The following ADGRG6 variants were observed in gnomAD, a reference collection of about 807,000 sequenced individuals.
ADGRG6 encodes the protein adhesion G protein-coupled receptor G6.
In ADGRG6, 84 loss-of-function variants were observed where a neutral mutation model predicts 142.4. The ratio of observed to expected loss-of-function variants is 0.59; its 90% CI spans 0.49 to 0.71. The LOEUF is 0.71. Among genes scored for constraint, ADGRG6 ranks in the 30% least tolerant of loss-of-function variants. The probability of loss-of-function intolerance (pLI) is 0.00; values close to 1 mark genes in which losing one functional copy is unlikely to be tolerated. For missense variants in ADGRG6, 1,367 were observed against 1,466.6 expected, an observed-to-expected ratio of 0.93 and a Z score of 1.11; for synonymous variants, 521 against 520.5, an observed-to-expected ratio of 1.00 and a Z score of -0.01.
At chr6:142,439,430 G>C (rs976135554) in intron 24 of ADGRG6, among the ~76,000 whole-genome samples, 1 of 152,178 alleles carries the variant, frequency 6.6e-6, no homozygotes, top group Non-Finnish European at 1.5e-5. Flanking sequence ...AGGGAGTAAG[G>C]TGTGTGATGT....
At chr6:142,341,777 TC>T (rs1779671199) in intron 2 of ADGRG6, among the ~76,000 whole-genome samples, 1 of 149,276 alleles carries the variant, frequency 6.7e-6, no homozygotes, top group Non-Finnish European at 1.5e-5. Context: ...TTTTTACCTC[TC>T]CTTCTAAATT....
chr6:142,302,506 G>A (rs923747487), intron 1 of ADGRG6, 175 bp downstream of exon 1: 3 of 609,524 alleles, frequency 4.9e-6, no homozygotes, highest in Non-Finnish European at 8.3e-6. Context: ...TGAGGAGTAG[G>A]ACTATTGCCA....
intron 2 of ADGRG6, among the ~76,000 whole-genome samples, chr6:142,342,118 G>C (rs1779687273): frequency 6.6e-6 from 1 of 151,984 alleles, no homozygotes. Context: ...TGTGTGCATA[G>C]AGGGAATAAA....
intron 5 of ADGRG6, 148 bp from the exon 6 acceptor site, chr6:142,383,612 T>C: frequency 1.7e-6 from 1 of 584,910 alleles, no homozygotes; most frequent in East Asian, 2.9e-5. Context: ...TGCTTCATCT[T>C]ATACATTACA....
At chr6:142,423,492 T>G (rs1252729294) in intron 22 of ADGRG6, among the ~76,000 whole-genome samples, 1 of 151,126 alleles carries the variant, frequency 6.6e-6, no homozygotes, top group Admixed American at 6.6e-5. Flanking sequence ...ATATGTGGCG[T>G]TATTTCTGAG....
intron 9 of ADGRG6, among the ~76,000 whole-genome samples, chr6:142,394,846 C>G (rs764356910): frequency 1.6e-4 from 25 of 152,086 alleles, no homozygotes; most frequent in African/African-American, 5.3e-4. Flanking sequence ...CTCAGCCCCC[C>G]CCAGAGTGCT....
chr6:142,414,754 T>C (rs1267036113), intron 18 of ADGRG6, among the ~76,000 whole-genome samples: 1 of 152,208 alleles, frequency 6.6e-6, no homozygotes, highest in Non-Finnish European at 1.5e-5. Flanking sequence ...TGAAAAACAA[T>C]GTGTAACGAC....
chr6:142,329,296 T>G (rs915539573), intron 2 of ADGRG6, among the ~76,000 whole-genome samples: 2 of 152,186 alleles, frequency 1.3e-5, no homozygotes, highest in Non-Finnish European at 2.9e-5. Context: ...TGGGGTAATA[T>G]ATAATCTTCA....
chr6:142,377,344 G>A (rs1283028830), intron 4 of ADGRG6, among the ~76,000 whole-genome samples: 1 of 152,210 alleles, frequency 6.6e-6, no homozygotes, highest in African/African-American at 2.4e-5. Context: ...CACAGGAGCT[G>A]GAGAGAGCAG....
intron 5 of ADGRG6, 37 bp from the exon 6 acceptor site, chr6:142,383,723 C>CT (rs764376215): frequency 4.0e-6 from 4 of 1,012,606 alleles, no homozygotes; most frequent in Non-Finnish European, 6.2e-6. Context: ...GTCATGTGCT[C>CT]TTTGCAAAAT....
chr6:142,305,429 T>TACACACACACACACACAC (rs5880531), intron 1 of ADGRG6, among the ~76,000 whole-genome samples: 9 of 120,858 alleles, frequency 7.4e-5, no homozygotes, highest in African/African-American at 3.1e-4. Flanking sequence ...GCCCCTCCTG[T>TACACACACACACACACAC]ACACACACAC....
At chr6:142,374,684 A>T (rs1781413769) in intron 4 of ADGRG6, among the ~76,000 whole-genome samples, 1 of 152,214 alleles carries the variant, frequency 6.6e-6, no homozygotes, top group African/African-American at 2.4e-5. Context: ...AGACAAAAAA[A>T]AGTGGCAGAG....
At chr6:142,334,052 G>A (rs1028872730) in intron 2 of ADGRG6, among the ~76,000 whole-genome samples, 7 of 152,114 alleles carry the variant, frequency 4.6e-5, no homozygotes, top group South Asian at 2.1e-4. Context: ...GAAGAAAGTC[G>A]GTTTTCCAAC....
intron 2 of ADGRG6, among the ~76,000 whole-genome samples, chr6:142,317,549 C>T (rs915392212): frequency 4.0e-5 from 6 of 149,498 alleles, no homozygotes; most frequent in Non-Finnish European, 8.9e-5. Flanking sequence ...AAATAAGTTA[C>T]AGAGAACATA....
Position 142,443,569 on chromosome 6 carries a change from G to A in ADGRG6, c.*54G>A, listed in dbSNP as rs1777860509. On this transcript the variant is annotated 3_prime_UTR_variant, in exon 25 of 25. Transcript: ENST00000367609. ...AGAAATGTGAAGATTTGCAAGCAGTGTAAACTGCAACTAGTGATGTAAATG... is the reference window on the plus strand; with the variant it reads ...AGAAATGTGAAGATTTGCAAGCAGTATAAACTGCAACTAGTGATGTAAATG... 8.3e-7 allele frequency: 1 copy of A among 1,198,798 alleles called. No homozygotes were observed. Among genetic ancestry groups the A allele is most frequent in the Non-Finnish European group, 1.2e-6 (1 of 828,968 alleles). 74.3% of individuals were successfully genotyped at this position (1,198,798 alleles called of 1,614,324 possible).
intron 21 of ADGRG6, 108 bp from the exon 22 acceptor site, chr6:142,419,713 A>G (rs1296762414): frequency 2.6e-6 from 2 of 773,262 alleles, no homozygotes; most frequent in Non-Finnish European, 4.1e-6. Flanking sequence ...CTTTCTAAAG[A>G]CATTTGAGAG....
chr6:142,427,441 T>C (rs1776999631), intron 22 of ADGRG6, among the ~76,000 whole-genome samples: 1 of 152,152 alleles, frequency 6.6e-6, no homozygotes, highest in Non-Finnish European at 1.5e-5. Flanking sequence ...GACCTTATTG[T>C]CCATATCACT....
At chr6:142,368,049 T>C (rs1781040702) in intron 3 of ADGRG6, 139 bp downstream of exon 3, 5 of 609,564 alleles carry the variant, frequency 8.2e-6, no homozygotes, top group Non-Finnish European at 1.4e-5. Flanking sequence ...CAAGAATCTG[T>C]TAATATTCTC....
At chr6:142,412,494 T>C (rs971177237) in intron 18 of ADGRG6, among the ~76,000 whole-genome samples, 4 of 152,140 alleles carry the variant, frequency 2.6e-5, no homozygotes, top group African/African-American at 9.7e-5. Context: ...TAAATGGCCA[T>C]TGTCATATGG....
Sources: gnomAD v4.1 joint callset for allele counts (sites outside exome capture counted in the v4.1 genomes callset) on GRCh38, gnomAD v4.1.1 for gene constraint, MANE v1.5 for transcripts, NCBI Gene and HGNC (gene_info 2026-07-23, HGNC 2026-07-21) for gene names.